Variants in TRIO observed in about 807,000 individuals in gnomAD.
TRIO encodes trio Rho guanine nucleotide exchange factor.
A neutral mutation model predicts 351.9 loss-of-function variants in TRIO; 58 were observed. The ratio of observed to expected loss-of-function variants is 0.16; its 90% CI spans 0.13 to 0.21. TRIO has a LOEUF of 0.21. TRIO is among the 10% of genes least tolerant of loss of function. The pLI is 1.00. For missense variants in TRIO, 3,201 were observed against 4,027.8 expected (o/e 0.79, Z 5.56); for synonymous variants, 1,758 against 1,595.7 (o/e 1.10, Z -2.42).
chr5:14,325,944 CTAAGAGGT>C (rs938501417), intron 9 of TRIO, among the ~76,000 whole-genome samples: 1 of 152,164 alleles, frequency 6.6e-6, no homozygotes, highest in African/African-American at 2.4e-5. Context: ...GCGTCATTTC[CTAAGAGGT>C]TACTTACCCA....
Position 14,461,303 on chromosome 5 carries a change from G to T in TRIO, c.5488G>T (p.Val1830Phe), listed in dbSNP as rs2126498567. Reference protein sequence around the residue: ...DSAATPQDETVEERGRNEGLS... With the variant: ...DSAATPQDETFEERGRNEGLS... Reference sequence around the variant, plus strand: ...TGCGGCCACCCCGCAGGACGAGACGGTCGAGGAGGTGAGGCTCTGCCCGCT... The same window carrying T: ...TGCGGCCACCCCGCAGGACGAGACGTTCGAGGAGGTGAGGCTCTGCCCGCT... The change falls in exon 35 of 57, where the codon GTC becomes TTC. Residue 1830 changes from valine to phenylalanine, a missense_variant. Coordinates refer to ENST00000344204, the MANE Select transcript of TRIO (RefSeq NM_007118.4). The T allele has an allele frequency of 6.4e-7, 1 of 1,572,382 alleles. No individual in the cohort carries two copies. Among genetic ancestry groups the T allele is most frequent in the Non-Finnish European group, 8.6e-7 (1 of 1,158,642 alleles).
At chr5:14,261,668 A>G (rs1795352255) in intron 1 of TRIO, among the ~76,000 whole-genome samples, 1 of 152,166 alleles carries the variant, frequency 6.6e-6, no homozygotes, top group African/African-American at 2.4e-5. Flanking sequence ...CTGCTTAGAC[A>G]CCACTTCCCT....
intron 13 of TRIO, among the ~76,000 whole-genome samples, chr5:14,363,059 T>C (rs1435530705): frequency 6.7e-6 from 1 of 149,528 alleles, no homozygotes; most frequent in Non-Finnish European, 1.5e-5. Context: ...AGTGTAATGG[T>C]GCCATCTCAG....
chr5:14,204,412 A>T (rs1231499166), intron 1 of TRIO, among the ~76,000 whole-genome samples: 2 of 151,968 alleles, frequency 1.3e-5, no homozygotes, highest in Non-Finnish European at 2.9e-5. Flanking sequence ...TTTGTTCTGC[A>T]GGTTGTCTTG....
chr5:14,342,712 A>G (rs1264439620), intron 11 of TRIO, among the ~76,000 whole-genome samples: 1 of 152,122 alleles, frequency 6.6e-6, no homozygotes, highest in Non-Finnish European at 1.5e-5. Flanking sequence ...ATTTTTGTTG[A>G]TGAGTCGTCT....
intron 1 of TRIO, among the ~76,000 whole-genome samples, chr5:14,270,160 C>T (rs1795900613): frequency 6.6e-6 from 1 of 152,172 alleles, no homozygotes; most frequent in Admixed American, 6.5e-5. Context: ...ACTGGGCCTT[C>T]TAAGATATTG....
intron 1 of TRIO, among the ~76,000 whole-genome samples, chr5:14,256,969 G>C (rs1795056274): frequency 6.6e-6 from 1 of 152,246 alleles, no homozygotes; most frequent in Non-Finnish European, 1.5e-5. Context: ...GTGTACAAAG[G>C]CTGGCATCTT....
At chr5:14,346,438 A>G (rs904589726) in intron 11 of TRIO, among the ~76,000 whole-genome samples, 1 of 152,194 alleles carries the variant, frequency 6.6e-6, no homozygotes, top group African/African-American at 2.4e-5. Context: ...TGGGTACCAA[A>G]AGAACTTGAT....
chr5:14,500,762 C>T (rs1176735546), intron 53 of TRIO, among the ~76,000 whole-genome samples: 2 of 152,042 alleles, frequency 1.3e-5, no homozygotes, highest in Non-Finnish European at 2.9e-5. Context: ...GTGGTGTGCG[C>T]GTGTGGTCCC....
chr5:14,431,058 C>A (rs898796674), intron 34 of TRIO, among the ~76,000 whole-genome samples: 2 of 152,218 alleles, frequency 1.3e-5, no homozygotes, highest in Admixed American at 1.3e-4. Context: ...AATCTAACTT[C>A]CTTCCTTCCT....
chr5:14,280,641 G>A (rs959344930), intron 3 of TRIO, among the ~76,000 whole-genome samples: 1 of 152,186 alleles, frequency 6.6e-6, no homozygotes, highest in African/African-American at 2.4e-5. Flanking sequence ...ATGAAGGTAG[G>A]TAAGAGCTTT....
At chr5:14,276,326 G>A (rs554716201) in intron 2 of TRIO, among the ~76,000 whole-genome samples, 1 of 152,204 alleles carries the variant, frequency 6.6e-6, no homozygotes, top group African/African-American at 2.4e-5. Flanking sequence ...GCAGGCTGCC[G>A]AGTCTTCTCA....
At chr5:14,488,337 T>G (rs1162902531) in intron 48 of TRIO, 77 bp downstream of exon 48, 2 of 1,487,264 alleles carry the variant, frequency 1.3e-6, no homozygotes, top group Non-Finnish European at 1.8e-6. Flanking sequence ...CCGCGGCTGT[T>G]CTCACTAACT....
rs1753763996 is a variant in TRIO at position 14,461,128 on chromosome 5, C to T, written c.5313C>T (p.Asn1771=). ...CGCCGGGCCCCAAGCGGCCGGGCAA[C>T]ACCCTGCGCAAGTGGCTCACCAGCC... ...QSSPGPKRPG[N]TLRKWLTSPV... is the part of the protein sequence containing the mutation. Residue 1771 remains asparagine, a synonymous_variant, in exon 35 of 57, where the codon AAC becomes AAT. Transcript: ENST00000344204. The T allele has an allele frequency of 6.4e-7, 1 of 1,556,902 alleles. No individual in the cohort carries two copies. Among genetic ancestry groups the T allele is most frequent in the East Asian group, 2.4e-5 (1 of 41,292 alleles).
intron 34 of TRIO, among the ~76,000 whole-genome samples, chr5:14,455,041 T>C (rs569145731): frequency 6.6e-6 from 1 of 152,116 alleles, no homozygotes; most frequent in Non-Finnish European, 1.5e-5. Context: ...GTGGTCTCGC[T>C]GGCCTCAGGA....
Position 14,349,257 on chromosome 5 carries a change from ATG to A in TRIO, c.2047-8917_2047-8916del, listed in dbSNP as rs546654385. On this transcript the variant is annotated intron_variant, in intron 11 of 56. Coordinates refer to ENST00000344204, the MANE Select transcript of TRIO (RefSeq NM_007118.4). Reference sequence around the variant, plus strand: ...TGTTTGTGTGTGCACACACGTGAGCATGTGTTTTTCCTGTGTGTATGTGTGTA... The same window carrying A: ...TGTTTGTGTGTGCACACACGTGAGCATGTTTTTCCTGTGTGTATGTGTGTA... Among the ~76,000 whole-genome samples, 50 of 105,612 alleles carry A rather than the reference ATG, an allele frequency of 4.7e-4. 1 individual carries two copies. Among genetic ancestry groups the A allele is most frequent in the Middle Eastern group, 0.01 (1 of 96 alleles). 69.3% of individuals were successfully genotyped at this position (105,612 alleles called of 152,430 possible).
chr5:14,353,831 A>G (rs942705147), intron 11 of TRIO, among the ~76,000 whole-genome samples: 9 of 152,218 alleles, frequency 5.9e-5, no homozygotes, highest in Admixed American at 2.0e-4. Context: ...AAGCACAGCT[A>G]TGTATCGTGC....
In TRIO at chr5:14,290,979, T is replaced by G. The variant is rs574806772; in HGVS notation, c.804T>G (p.Ile268Met). ...EEHSQLKKKV[I>M]KAPIEDLDLE... ...ATTCTCAGCTGAAGAAGAAGGTGAT[T>G]AAGGCCCCCATCGAGGACCTGGATT... is the stretch of plus-strand genomic sequence containing the variant. The change falls in exon 5 of 57, where the codon ATT (isoleucine) becomes ATG (methionine). Residue 268 changes from isoleucine (I) to methionine (M), a missense_variant. Ile to Met is a conservative substitution (Grantham distance 10). Around this residue, in one of 19 missense-constraint regions of TRIO, gnomAD observed 349 missense variants for 449.3 expected, o/e 0.78. Transcript: ENST00000344204. 5 of 1,614,172 alleles carry G rather than the reference T, an allele frequency of 3.1e-6. No homozygotes were observed. In the African/African-American group the frequency reaches 6.7e-5, roughly 22 times the overall value.
At chr5:14,501,375 G>A (rs761046941) in intron 53 of TRIO, among the ~76,000 whole-genome samples, 2 of 152,230 alleles carry the variant, frequency 1.3e-5, no homozygotes, top group African/African-American at 2.4e-5. Flanking sequence ...ATTGCTTCTC[G>A]TGTGTCCTTC....
Sources: allele counts gnomAD v4.1 joint callset (sites outside exome capture counted in the v4.1 genomes callset), GRCh38; gene constraint gnomAD v4.1.1; regional missense constraint gnomAD v4.1.1; transcripts MANE v1.5; gene names NCBI Gene and HGNC (gene_info 2026-07-23, HGNC 2026-07-21).